Variants in ABLIM2 observed in about 807,000 individuals in gnomAD.
ABLIM2 encodes the protein actin-binding LIM protein 2.
Under a neutral mutation model 97.7 loss-of-function variants are expected in ABLIM2, and 53 were observed. That is an observed-to-expected ratio of 0.54 (90% confidence interval 0.44 to 0.68). ABLIM2 has a LOEUF of 0.68. Ranked by LOEUF, ABLIM2 falls within the 30% of genes least tolerant of loss-of-function variation. The pLI, the probability that ABLIM2 is intolerant of heterozygous loss-of-function variation, is 0.00. For synonymous variants in ABLIM2, 361 were observed against 345.8 expected, an observed-to-expected ratio of 1.04 and a Z score of -0.49; for missense variants, 835 against 867.2, an observed-to-expected ratio of 0.96 and a Z score of 0.47.
At chr4:8,108,974 A>G (rs546474465) in intron 1 of ABLIM2, among the ~76,000 whole-genome samples, 1 of 152,358 alleles carries the variant, frequency 6.6e-6, no homozygotes, top group South Asian at 2.1e-4. Context: ...GGAGTGGGAA[A>G]GATGAAAGCT....
At chr4:8,109,905 C>A (rs771785055) in intron 1 of ABLIM2, among the ~76,000 whole-genome samples, 5 of 152,250 alleles carry the variant, frequency 3.3e-5, no homozygotes, top group Non-Finnish European at 4.4e-5. Flanking sequence ...CTGGTTGAAT[C>A]CACAGCAGGC....
intron 20 of ABLIM2, among the ~76,000 whole-genome samples, chr4:7,974,003 A>G (rs76405529): frequency 0.027 from 4,180 of 152,322 alleles, 207 homozygotes; most frequent in African/African-American, 0.096. Flanking sequence ...CTGAAGAGTA[A>G]ATACTGAGGT....
In ABLIM2 at chr4:8,072,878, G is replaced by C. The variant is rs551183166; in HGVS notation, c.675+4750C>G. Among the ~76,000 whole-genome samples the C allele has an allele frequency of 6.6e-6, 1 of 152,310 alleles. No individual in the cohort carries two copies. The highest frequency in any genetic ancestry group is 2.4e-5 in the African/African-American group (1 of 41,578). ...GCCCTGCAAGGCCCCTGGGGAAGTA[G>C]GGAGGGGTCGGTAAGAGGAGGCTTA... On this transcript the variant is annotated intron_variant, in intron 6 of 20. Transcript: ENST00000447017. This position sits in a 1 kb window ranked among gnomAD's most constrained non-coding sequence, Gnocchi z 5.8.
At chr4:7,969,292 A>G (rs1471083269) in intron 20 of ABLIM2, among the ~76,000 whole-genome samples, 2 of 152,020 alleles carry the variant, frequency 1.3e-5, no homozygotes. Flanking sequence ...CATCTCTACA[A>G]AAATTACAAA....
At chr4:8,139,011 A>G (rs1415104070) in intron 1 of ABLIM2, among the ~76,000 whole-genome samples, 1 of 152,252 alleles carries the variant, frequency 6.6e-6, no homozygotes, top group Non-Finnish European at 1.5e-5. Context: ...AGCCTGGCCA[A>G]CATGGCGAAA....
intron 4 of ABLIM2, among the ~76,000 whole-genome samples, chr4:8,084,059 T>G (rs1013662135): frequency 3.9e-5 from 6 of 152,094 alleles, no homozygotes; most frequent in African/African-American, 1.4e-4. Context: ...GAGTCTCAGA[T>G]TCTAGATCAA....
In ABLIM2 at chr4:7,986,107, C is replaced by T. The variant is rs1448461039; in HGVS notation, c.1681-1214G>A. 1.3e-5 allele frequency among the ~76,000 whole-genome samples: 2 copies of T among 152,198 alleles called. No homozygotes were observed. The highest frequency in any genetic ancestry group is 2.9e-5 in the Non-Finnish European group (2 of 68,030). On this transcript the variant is annotated intron_variant, in intron 17 of 20. Coordinates refer to ENST00000447017, the MANE Select transcript of ABLIM2 (RefSeq NM_001130083.2). This position sits in a 1 kb window ranked among gnomAD's most constrained non-coding sequence, Gnocchi z 4.3. ...CCAGCACCTGGAACGGGGTCTCAAACGGGGTCAGGGCTCTCGGCCAGTGCT... is the reference window on the plus strand; with the variant it reads ...CCAGCACCTGGAACGGGGTCTCAAATGGGGTCAGGGCTCTCGGCCAGTGCT...
At position 8,082,090 on chromosome 4, in the gene ABLIM2, C is replaced by G. The variant is rs184911166; in HGVS notation, c.455-1288G>C. Among the ~76,000 whole-genome samples the G allele has an allele frequency of 4.6e-5, 7 of 152,202 alleles. No individual in the cohort carries two copies. In the East Asian group the frequency reaches 1.4e-3, roughly 29 times the overall value. ...TGGGGGCATGACAAGGGAAGGGCCT[C>G]GGACCCCGTAATGGACAGGGAGGAA... On this transcript the variant is annotated intron_variant, in intron 4 of 20. Coordinates refer to ENST00000447017, the MANE Select transcript of ABLIM2 (RefSeq NM_001130083.2). The surrounding 1 kb of genome is among the most constrained non-coding windows in gnomAD (Gnocchi z 5.6).
chr4:8,068,582 C>A lies in ABLIM2; in HGVS notation c.676-7528G>T, dbSNP rs1410526280. Among the ~76,000 whole-genome samples the A allele has an allele frequency of 6.6e-6, 1 of 152,244 alleles. No homozygotes were observed. The highest frequency in any genetic ancestry group is 1.9e-4 in the East Asian group (1 of 5,188). ...ATGGATCAGCCCTCTCTGCCATGAG[C>A]CCCTCACACCTGAGGCAGGAGGCCC... On this transcript the variant is annotated intron_variant, in intron 6 of 20. Coordinates refer to ENST00000447017, the MANE Select transcript of ABLIM2 (RefSeq NM_001130083.2). The surrounding 1 kb of genome is among the most constrained non-coding windows in gnomAD (Gnocchi z 4.5).
At chr4:8,007,174 G>T (rs548420670) in intron 16 of ABLIM2, 190 of 985,308 alleles carry the variant, frequency 1.9e-4, no homozygotes, top group Non-Finnish European at 2.2e-4. Flanking sequence ...ATGAGGATGA[G>T]AAACAGTTTC....
intron 17 of ABLIM2, among the ~76,000 whole-genome samples, chr4:7,987,353 C>T (rs148899714): frequency 0.04 from 6,128 of 151,846 alleles, 239 homozygotes; most frequent in African/African-American, 0.1. Flanking sequence ...AAACTCTTGG[C>T]TTCAAGCAAT....
Position 8,104,733 on chromosome 4 carries a change from G to A in ABLIM2, c.154+1761C>T, listed in dbSNP as rs78437530. The stretch of plus-strand genomic sequence containing the variant: ...GACCCCCTGCAGGGCTCCAAGTGCC[G>A]CGCTGTGGCCTCTGACCTCCTCCAG... On this transcript the variant is annotated intron_variant, in intron 2 of 20. Coordinates refer to ENST00000447017, the MANE Select transcript of ABLIM2 (RefSeq NM_001130083.2). Among the ~76,000 whole-genome samples the A allele has an allele frequency of 9.6e-3, 1,466 of 152,290 alleles. 25 individuals carry two copies. Among genetic ancestry groups the A allele is most frequent in the African/African-American group, 0.034 (1,397 of 41,550 alleles).
rs986374135 is a variant in ABLIM2 at position 7,998,044 on chromosome 4, G to A, written c.1619-5117C>T. Among the ~76,000 whole-genome samples, 9 of 152,002 alleles carry A rather than the reference G, an allele frequency of 5.9e-5. No individual in the cohort carries two copies. The highest frequency in any genetic ancestry group is 2.2e-4 in the African/African-American group (9 of 41,392). On this transcript the variant is annotated intron_variant, in intron 16 of 20. Coordinates refer to ENST00000447017, the MANE Select transcript of ABLIM2 (RefSeq NM_001130083.2). This position sits in a 1 kb window ranked among gnomAD's most constrained non-coding sequence, Gnocchi z 6.4. ...TTACAGGAATGTGCCACCATGCCCG[G>A]CTGATTTTGTATTTTTAGTAGAGAC...
chr4:7,981,844 G>A (rs1297288516), intron 20 of ABLIM2, among the ~76,000 whole-genome samples: 1 of 152,306 alleles, frequency 6.6e-6, no homozygotes, highest in East Asian at 1.9e-4. Context: ...AGAGCACCCA[G>A]CCAGCTAGTG....
At position 8,022,102 on chromosome 4, in the gene ABLIM2, T is replaced by A. The variant is rs566458394; in HGVS notation, c.1268-1799A>T. On this transcript the variant is annotated intron_variant, in intron 12 of 20. Coordinates refer to ENST00000447017, the MANE Select transcript of ABLIM2 (RefSeq NM_001130083.2). The surrounding 1 kb of genome is among the most constrained non-coding windows in gnomAD (Gnocchi z 7.8). ...ACGGCTGTGCTGGACCCATCCCCAC[T>A]GGCAGCAAAACAGGGCAGGTTTTAA... is the stretch of plus-strand genomic sequence containing the variant. Among the ~76,000 whole-genome samples, 3 of 152,146 alleles carry A rather than the reference T, an allele frequency of 2.0e-5. No individual in the cohort carries two copies. The highest frequency in any genetic ancestry group is 2.9e-5 in the Non-Finnish European group (2 of 68,006).
In ABLIM2 at chr4:8,124,510, G is replaced by A. The variant is rs941423562; in HGVS notation, c.11-17873C>T. On this transcript the variant is annotated intron_variant, in intron 1 of 20. Transcript: ENST00000447017. The surrounding 1 kb of genome is among the most constrained non-coding windows in gnomAD (Gnocchi z 6.1). The stretch of plus-strand genomic sequence containing the variant: ...TCATGCGAACGGAATCCCACACTGC[G>A]TGGTCCTTCGCGACTGGCTTCTTTC... 3.9e-5 allele frequency among the ~76,000 whole-genome samples: 6 copies of A among 152,216 alleles called. No individual in the cohort carries two copies. The highest frequency in any genetic ancestry group is 5.9e-5 in the Non-Finnish European group (4 of 68,020).
chr4:8,142,026 G>A (rs922246555), intron 1 of ABLIM2, among the ~76,000 whole-genome samples: 3 of 152,316 alleles, frequency 2.0e-5, no homozygotes, highest in African/African-American at 4.8e-5. Context: ...CCAGCGGGGC[G>A]CCGTGACCAG....
At chr4:8,139,101 G>A (rs756416298) in intron 1 of ABLIM2, among the ~76,000 whole-genome samples, 1 of 152,172 alleles carries the variant, frequency 6.6e-6, no homozygotes, top group Non-Finnish European at 1.5e-5. Context: ...GAGGCTGAGG[G>A]CAGGAGAATT....
rs1433947821 is a variant in ABLIM2 at position 8,147,595 on chromosome 4, A to G, written c.10+11085T>C. 6.6e-6 allele frequency among the ~76,000 whole-genome samples: 1 copy of G among 152,138 alleles called. No homozygotes were observed. The highest frequency in any genetic ancestry group is 1.5e-5 in the Non-Finnish European group (1 of 68,024). ...CACACAGGGGAGAAGTAGCATGAAG[A>G]TGGAGCTGAGGGAGGTTTGAAGACT... is the stretch of plus-strand genomic sequence containing the variant. On this transcript the variant is annotated intron_variant, in intron 1 of 20. Coordinates refer to ENST00000447017, the MANE Select transcript of ABLIM2 (RefSeq NM_001130083.2). This position sits in a 1 kb window ranked among gnomAD's most constrained non-coding sequence, Gnocchi z 5.3.
Sources: allele counts gnomAD v4.1 joint callset (sites outside exome capture counted in the v4.1 genomes callset), GRCh38; gene constraint gnomAD v4.1.1; non-coding constraint Gnocchi (gnomAD v3.1); transcripts MANE v1.5; gene names NCBI Gene and HGNC (gene_info 2026-07-23, HGNC 2026-07-21).